PRRC1: variants seen among roughly 807,000 people sequenced by gnomAD.
PRRC1 encodes the protein proline rich coiled-coil 1.
In PRRC1, 39 loss-of-function variants were observed where a neutral mutation model predicts 40.7. The ratio of observed to expected loss-of-function variants is 0.96; its 90% CI spans 0.74 to 1.25. The LOEUF is 1.25. PRRC1 is among the 50% of genes most tolerant of loss of function. The probability of loss-of-function intolerance (pLI) is 0.00; values close to 1 mark genes in which losing one functional copy is unlikely to be tolerated. For synonymous variants in PRRC1, 175 were observed against 193.3 expected (o/e 0.91, Z 0.79); for missense variants, 573 against 548.3 (o/e 1.05, Z -0.45).
chr5:127,551,619 C>T, intron 8 of PRRC1, 88 bp from the exon 9 acceptor site: 1 of 1,334,070 alleles, frequency 7.5e-7, no homozygotes. Flanking sequence ...TTTAAAATAA[C>T]ATGAAACACT....
At chr5:127,544,037 A>T (rs1364279580) in intron 7 of PRRC1, among the ~76,000 whole-genome samples, 1 of 151,996 alleles carries the variant, frequency 6.6e-6, no homozygotes, top group South Asian at 2.1e-4. Context: ...ATGGTGATGT[A>T]CAGATGGGTT....
chr5:127,552,941 GTTTA>G lies in PRRC1; in HGVS notation c.*1030_*1033del. ...AAGAAACTATTTTATATTCAATCTA[GTTTA>G]TTTAGTCTACTGTATTTCTATTTCG... On this transcript the variant is annotated 3_prime_UTR_variant, in exon 9 of 9. Transcript: ENST00000296666. 5.7e-6 allele frequency: 5 copies of G among 880,490 alleles called. No homozygotes were observed. Among genetic ancestry groups the G allele is most frequent in the Non-Finnish European group, 6.8e-6 (5 of 736,014 alleles). The allele number at this position is 880,490 out of a possible 1,614,324, so 54.5% of individuals were successfully genotyped here.
At chr5:127,537,899 G>A (rs1225367512) in intron 6 of PRRC1, among the ~76,000 whole-genome samples, 1 of 151,900 alleles carries the variant, frequency 6.6e-6, no homozygotes, top group Non-Finnish European at 1.5e-5. Context: ...CTCTTTAAGT[G>A]TTATTAGATT....
In PRRC1 at chr5:127,552,204, A is replaced by AT; in HGVS notation, c.*290dup. 3 of 1,145,248 alleles carry AT rather than the reference A, an allele frequency of 2.6e-6. No homozygotes were observed. The highest frequency in any genetic ancestry group is 3.2e-6 in the Non-Finnish European group (3 of 928,710). 70.9% of individuals were successfully genotyped at this position (1,145,248 alleles called of 1,614,324 possible). A position where few individuals can be genotyped will look rare whatever the true frequency, so the allele number is the denominator to read the frequency against. ...AATATACCAGATTTATAAGGTGGAAATTCATGTGCAGAGACATTTAACTTA... is the reference window on the plus strand; with the variant it reads ...AATATACCAGATTTATAAGGTGGAAATTTCATGTGCAGAGACATTTAACTTA... On this transcript the variant is annotated 3_prime_UTR_variant, in exon 9 of 9. Coordinates refer to ENST00000296666, the MANE Select transcript of PRRC1 (RefSeq NM_130809.5).
chr5:127,524,465 A>C, intron 2 of PRRC1, 66 bp from the exon 3 acceptor site: 3 of 1,488,522 alleles, frequency 2.0e-6, no homozygotes, highest in Non-Finnish European at 2.7e-6. Context: ...AAGTAATTAG[A>C]CAGTTTGAAA....
intron 1 of PRRC1, among the ~76,000 whole-genome samples, chr5:127,520,012 T>A (rs1767418397): frequency 6.6e-6 from 1 of 152,242 alleles, no homozygotes; most frequent in South Asian, 2.1e-4. Context: ...CCACCTAATC[T>A]TGTCTTGAAC....
chr5:127,533,931 G>A (rs528745168), intron 6 of PRRC1, 145 bp downstream of exon 6: 18 of 800,044 alleles, frequency 2.2e-5, no homozygotes, highest in African/African-American at 5.1e-5. Context: ...CAGCCCTATC[G>A]TATTATGAAG....
chr5:127,550,406 T>C (rs1234514824), intron 8 of PRRC1: 1 of 152,216 alleles, frequency 6.6e-6, no homozygotes, highest in Non-Finnish European at 1.5e-5. Context: ...TTCAGGTAAT[T>C]AGAATTATCA....
At chr5:127,525,651 T>C (rs1767598331) in intron 3 of PRRC1, among the ~76,000 whole-genome samples, 1 of 152,252 alleles carries the variant, frequency 6.6e-6, no homozygotes. Context: ...TCTGCATTAA[T>C]GTTCTTCTCT....
chr5:127,538,985 A>G (rs2127106223), intron 6 of PRRC1, 55 bp from the exon 7 acceptor site: 1 of 1,226,152 alleles, frequency 8.2e-7, no homozygotes. Flanking sequence ...ATAAATTAGT[A>G]TATTTAATAT....
intron 5 of PRRC1, among the ~76,000 whole-genome samples, chr5:127,531,617 C>CTTTTTTTTTTTTTTTTTTTTTTTTTTT (rs60179366): frequency 2.0e-5 from 2 of 99,680 alleles, no homozygotes; most frequent in African/African-American, 9.3e-5. Context: ...TCTTCTTCTT[C>CTTTTTTTTTTTTTTTTTTTTTTTTTTT]TTTTTTTTTT....
intron 1 of PRRC1, among the ~76,000 whole-genome samples, chr5:127,518,471 A>G (rs1017513255): frequency 6.6e-6 from 1 of 152,202 alleles, no homozygotes; most frequent in Non-Finnish European, 1.5e-5. Flanking sequence ...CGAAGTAGTT[A>G]TTTTGAGAGA....
intron 7 of PRRC1, among the ~76,000 whole-genome samples, chr5:127,539,810 A>G (rs1455289290): frequency 6.6e-6 from 1 of 152,104 alleles, no homozygotes; most frequent in Non-Finnish European, 1.5e-5. Context: ...ACTTTGAGGC[A>G]TATTATAGGC....
In PRRC1 at chr5:127,553,969, C is replaced by G. The variant is rs2127124061; in HGVS notation, c.*2053C>G. ...AGAGAAATACATGAACTGCTCTGGC[C>G]TCTCTGGTTCTGTTCTTGGCCCAGA... is the stretch of plus-strand genomic sequence containing the variant. On this transcript the variant is annotated 3_prime_UTR_variant, in exon 9 of 9. Coordinates refer to ENST00000296666, the MANE Select transcript of PRRC1 (RefSeq NM_130809.5). 1.4e-6 allele frequency: 2 copies of G among 1,470,070 alleles called. 1 individual carries two copies. Among genetic ancestry groups the G allele is most frequent in the Middle Eastern group, 3.5e-4 (2 of 5,752 alleles). 91.1% of individuals were successfully genotyped at this position (1,470,070 alleles called of 1,614,324 possible).
intron 1 of PRRC1, among the ~76,000 whole-genome samples, chr5:127,521,347 G>A (rs1450402303): frequency 3.9e-5 from 6 of 151,982 alleles, no homozygotes; most frequent in Non-Finnish European, 8.8e-5. Flanking sequence ...CGTCCTTCCC[G>A]CCAAACTACT....
chr5:127,519,030 G>A (rs556159418), intron 1 of PRRC1, among the ~76,000 whole-genome samples: 1 of 152,122 alleles, frequency 6.6e-6, no homozygotes, highest in Non-Finnish European at 1.5e-5. Context: ...TAAAGACAAA[G>A]AAATTGATTA....
At position 127,539,040 on chromosome 5, in the gene PRRC1, G is replaced by C. The variant is rs759570070; in HGVS notation, c.922G>C (p.Gly308Arg). ...TCTAACCTCTGCCATTGTTGTTTAG[G>C]GTGCTCAGGAACGGATAGATAGCTT... The part of the protein sequence containing the change: ...QPVGYAAGLK[G>R]AQERIDSLRR... The change falls in exon 7 of 9, where the codon GGT becomes CGT. Residue 308 changes from glycine to arginine, a missense_variant and splice_region_variant. Gly to Arg is a moderately radical substitution (Grantham distance 125). Coordinates refer to ENST00000296666, the MANE Select transcript of PRRC1 (RefSeq NM_130809.5). 2 of 1,611,444 alleles carry C rather than the reference G, an allele frequency of 1.2e-6. No homozygotes were observed. The highest frequency in any genetic ancestry group is 1.7e-6 in the Non-Finnish European group (2 of 1,177,972).
intron 7 of PRRC1, 88 bp from the exon 8 acceptor site, chr5:127,547,731 A>G (rs963096361): frequency 1.2e-6 from 1 of 834,106 alleles, no homozygotes; most frequent in African/African-American, 1.7e-5. Flanking sequence ...GTTCTATCTG[A>G]ATAATAGTAC....
At chr5:127,527,369 A>G (rs557364106) in intron 4 of PRRC1, among the ~76,000 whole-genome samples, 14 of 152,298 alleles carry the variant, frequency 9.2e-5, no homozygotes, top group African/African-American at 3.4e-4. Flanking sequence ...ATAAAACCTT[A>G]TATTTCAAGA....
Sources: allele counts gnomAD v4.1 joint callset (sites outside exome capture counted in the v4.1 genomes callset), GRCh38; gene constraint gnomAD v4.1.1; transcripts MANE v1.5; gene names NCBI Gene and HGNC (gene_info 2026-07-23, HGNC 2026-07-21).